Variants in GLIS3 observed in about 807,000 individuals in gnomAD.
The protein encoded by GLIS3 is GLIS family zinc finger 3.
In GLIS3, 53 loss-of-function variants were observed where a neutral mutation model predicts 78.6. The ratio of observed to expected loss-of-function variants is 0.67; its 90% CI spans 0.54 to 0.85. GLIS3 has a LOEUF of 0.85. Ranked by LOEUF, GLIS3 falls within the 40% of genes least tolerant of loss-of-function variation. The probability of loss-of-function intolerance (pLI) is 0.00; values close to 1 mark genes in which losing one functional copy is unlikely to be tolerated. For synonymous variants in GLIS3, 684 were observed against 509.9 expected (o/e 1.34, Z -4.60); for missense variants, 1,703 against 1,231.1 (o/e 1.38, Z -5.74).
At chr9:4,192,529 A>C (rs761905533) in intron 2 of GLIS3, among the ~76,000 whole-genome samples, 13 of 152,258 alleles carry the variant, frequency 8.5e-5, no homozygotes, top group Non-Finnish European at 1.6e-4. Context: ...ACTGGTTTCA[A>C]CCTGTGAACT....
At chr9:4,131,925 T>G (rs888877914) in intron 2 of GLIS3, among the ~76,000 whole-genome samples, 2 of 152,100 alleles carry the variant, frequency 1.3e-5, no homozygotes, top group Non-Finnish European at 2.9e-5. Context: ...TTTGCTCCAT[T>G]CTCTTTCTAA....
intron 2 of GLIS3, among the ~76,000 whole-genome samples, chr9:4,214,541 C>A (rs753086923): frequency 1.3e-5 from 2 of 152,330 alleles, no homozygotes; most frequent in South Asian, 2.1e-4. Context: ...CCTCCCCAAG[C>A]TCCCACGCCA....
At chr9:4,288,977 T>G (rs1053818530) in intron 1 of GLIS3, among the ~76,000 whole-genome samples, 1 of 152,146 alleles carries the variant, frequency 6.6e-6, no homozygotes, top group Admixed American at 6.5e-5. Context: ...AAAAATAAAT[T>G]TCATCTATTT....
chr9:4,145,670 T>G (rs905940581), intron 2 of GLIS3, among the ~76,000 whole-genome samples: 1 of 151,920 alleles, frequency 6.6e-6, no homozygotes, highest in Non-Finnish European at 1.5e-5. Flanking sequence ...CAGAGGGACC[T>G]AACATCTCAA....
intron 4 of GLIS3, among the ~76,000 whole-genome samples, chr9:4,099,415 G>GC (rs1313953003): frequency 6.6e-6 from 1 of 151,654 alleles, no homozygotes; most frequent in Admixed American, 6.6e-5. Context: ...ACTTGGAGTT[G>GC]CCCCCCCGAG....
chr9:4,159,208 C>T (rs901557522), intron 2 of GLIS3, among the ~76,000 whole-genome samples: 4 of 152,124 alleles, frequency 2.6e-5, no homozygotes, highest in African/African-American at 9.7e-5. Flanking sequence ...ATATGATTCT[C>T]ATGGTTAACA....
At chr9:4,255,478 G>A (rs564441847) in intron 2 of GLIS3, among the ~76,000 whole-genome samples, 12 of 152,198 alleles carry the variant, frequency 7.9e-5, no homozygotes, top group Non-Finnish European at 1.6e-4. Context: ...ATGCCCATCA[G>A]TGGGTGAATG....
intron 2 of GLIS3, among the ~76,000 whole-genome samples, chr9:4,329,286 T>G (rs557323414): frequency 4.0e-4 from 61 of 152,318 alleles, no homozygotes; most frequent in African/African-American, 1.3e-3. Context: ...GTGTGTGCAG[T>G]GCCATTTTTT....
intron 2 of GLIS3, among the ~76,000 whole-genome samples, chr9:4,153,688 G>A (rs772300020): frequency 3.9e-5 from 6 of 152,204 alleles, no homozygotes; most frequent in Non-Finnish European, 8.8e-5. Context: ...CTTTACAAAT[G>A]AGTGGATGAA....
intron 4 of GLIS3, among the ~76,000 whole-genome samples, chr9:4,033,128 C>T (rs1164840676): frequency 1.3e-5 from 2 of 152,150 alleles, no homozygotes; most frequent in Non-Finnish European, 2.9e-5. Flanking sequence ...GCTGGGATTA[C>T]AGGTGTGAGC....
chr9:4,118,225 G>T lies in GLIS3; in HGVS notation c.1253C>A (p.Pro418Gln). ...GCCGGCCGACTGGCTGTCGGGGCCC[G>T]GCAGGCCATGCTGCACCACCATGTG... ...VNHMVVQHGL[P>Q]GPDSQSAGLF... Residue 418 changes from proline (P) to glutamine (Q), a missense_variant, in exon 4 of 11, where the codon CCG (proline) becomes CAG (glutamine). Transcript: ENST00000381971. This position sits in a 1 kb window ranked among gnomAD's most constrained non-coding sequence, Gnocchi z 4.7. The T allele has an allele frequency of 6.3e-7, 1 of 1,585,606 alleles. No homozygotes were observed. The highest frequency in any genetic ancestry group is 1.1e-5 in the South Asian group (1 of 87,346).
At chr9:3,919,051 T>A (rs1173014304) in intron 6 of GLIS3, among the ~76,000 whole-genome samples, 3 of 152,104 alleles carry the variant, frequency 2.0e-5, no homozygotes, top group African/African-American at 4.8e-5. Context: ...ACCATGTGGG[T>A]CTCAGTGTAG....
rs954445166 is a variant in GLIS3 at position 3,969,934 on chromosome 9, G to A, written c.1711-32745C>T. On this transcript the variant is annotated intron_variant, in intron 4 of 10. Coordinates refer to ENST00000381971, the MANE Select transcript of GLIS3 (RefSeq NM_001042413.2). ...TCAATTCTGTTATTTCCTGTTTCAG[G>A]GGCAAATCTTGCAACTTGGTGGACA... Among the ~76,000 whole-genome samples, 9 of 152,124 alleles carry A rather than the reference G, an allele frequency of 5.9e-5. No homozygotes were observed. In the South Asian group the frequency reaches 1.9e-3, roughly 31 times the overall value.
chr9:4,436,848 C>CAA, the GLIS3 span, among the ~76,000 whole-genome samples: 1 of 137,002 alleles, frequency 7.3e-6, no homozygotes. Flanking sequence ...AGATAGAAGG[C>CAA]AAGAATTTTC....
At chr9:4,367,633 C>CAAAAAAAAAAAAAAAAAAAAAAAAAAAAA in the GLIS3 span, among the ~76,000 whole-genome samples, 2 of 62,012 alleles carry the variant, frequency 3.2e-5, 1 homozygote, top group Non-Finnish European at 6.2e-5. Flanking sequence ...GACTCCATCT[C>CAAAAAAAAAAAAAAAAAAAAAAAAAAAAA]AAAAAAAAAA....
intron 4 of GLIS3, among the ~76,000 whole-genome samples, chr9:4,058,583 G>A (rs1197960993): frequency 6.6e-6 from 1 of 152,044 alleles, no homozygotes; most frequent in African/African-American, 2.4e-5. Flanking sequence ...CCAAAATTGG[G>A]CCATCTCTGT....
At chr9:3,908,706 G>GTTTTTTTTTTTTTTATTTTTTT (rs1823894100) in intron 6 of GLIS3, among the ~76,000 whole-genome samples, 1 of 85,554 alleles carries the variant, frequency 1.2e-5, no homozygotes, top group Non-Finnish European at 2.0e-5. Context: ...ATTTGTATTT[G>GTTTTTTTTTTTTTTATTTTTTT]TTTTTTTTTT....
At chr9:4,286,883 A>T (rs777469707) in intron 1 of GLIS3, among the ~76,000 whole-genome samples, 4 of 152,192 alleles carry the variant, frequency 2.6e-5, no homozygotes, top group African/African-American at 7.2e-5. Context: ...GGTCTTGGGA[A>T]ACCCAAAAGC....
chr9:4,379,374 A>G, the GLIS3 span, among the ~76,000 whole-genome samples: 2 of 152,256 alleles, frequency 1.3e-5, no homozygotes, highest in African/African-American at 4.8e-5. Context: ...TTCTCAAACT[A>G]TATTAATCCC....
Sources: gnomAD v4.1 joint callset for allele counts (sites outside exome capture counted in the v4.1 genomes callset) on GRCh38, gnomAD v4.1.1 for gene constraint, Gnocchi (gnomAD v3.1) non-coding constraint, MANE v1.5 for transcripts, NCBI Gene and HGNC (gene_info 2026-07-23, HGNC 2026-07-21) for gene names.